Variants in CSMD3 observed in about 807,000 individuals in gnomAD.
CSMD3 encodes the protein CUB and sushi domain-containing protein 3.
Under a neutral mutation model 435.2 loss-of-function variants are expected in CSMD3, and 177 were observed. The observed-to-expected ratio is 0.41, with a 90% CI of 0.36 to 0.46. The LOEUF is 0.46. CSMD3 is among the 20% of genes least tolerant of loss of function. The pLI is 0.34. For missense variants in CSMD3, 4,265 were observed against 4,504.6 expected (o/e 0.95, Z 1.52); for synonymous variants, 1,656 against 1,520.5 (o/e 1.09, Z -2.07).
intron 12 of CSMD3, among the ~76,000 whole-genome samples, chr8:112,816,076 A>G (rs1387642225): frequency 1.3e-5 from 2 of 152,146 alleles, no homozygotes; most frequent in Non-Finnish European, 2.9e-5. Context: ...ACAGAGCTCT[A>G]CAGCTCATGG....
chr8:113,230,205 G>A (rs2093069916), intron 3 of CSMD3, among the ~76,000 whole-genome samples: 1 of 151,640 alleles, frequency 6.6e-6, no homozygotes, highest in South Asian at 2.1e-4. Context: ...ATTGCCAGAT[G>A]TTTTAAAATT....
At chr8:112,745,489 G>GC in intron 13 of CSMD3, among the ~76,000 whole-genome samples, 1 of 151,840 alleles carries the variant, frequency 6.6e-6, no homozygotes, top group Non-Finnish European at 1.5e-5. Flanking sequence ...CTTATAATTG[G>GC]CTATGCTTTC....
intron 26 of CSMD3, among the ~76,000 whole-genome samples, chr8:112,551,572 G>A (rs1216556152): frequency 6.6e-6 from 1 of 151,862 alleles, no homozygotes; most frequent in Non-Finnish European, 1.5e-5. Context: ...ATCAAATAAT[G>A]TTTAATTTTT....
At chr8:112,447,426 G>A (rs1013330160) in intron 32 of CSMD3, among the ~76,000 whole-genome samples, 2 of 152,044 alleles carry the variant, frequency 1.3e-5, no homozygotes, top group Admixed American at 1.3e-4. Context: ...ATTTTAATAA[G>A]TCTCTTTAAT....
chr8:112,343,012 T>TAG, intron 41 of CSMD3, among the ~76,000 whole-genome samples: 1 of 95,378 alleles, frequency 1.0e-5, no homozygotes, highest in Middle Eastern at 9.1e-3. Context: ...TATATATATA[T>TAG]ATATTTATAT....
At chr8:113,392,963 G>C (rs2094467369) in intron 1 of CSMD3, among the ~76,000 whole-genome samples, 1 of 151,306 alleles carries the variant, frequency 6.6e-6, no homozygotes, top group Non-Finnish European at 1.5e-5. Context: ...ATATATGTGT[G>C]TGTGTGTGTG....
In CSMD3 at chr8:112,421,881, T is replaced by G. The variant is rs555232788; in HGVS notation, c.5396-12849A>C. Among the ~76,000 whole-genome samples the G allele has an allele frequency of 3.3e-5, 5 of 152,098 alleles. No individual in the cohort carries two copies. In the South Asian group the frequency reaches 1.0e-3, roughly 32 times the overall value. Reference sequence around the variant, plus strand: ...ACTATATGTAATGGACTGTGCAAAGTTCTTTATACATATCAGCTTCATTGA... The same window carrying G: ...ACTATATGTAATGGACTGTGCAAAGGTCTTTATACATATCAGCTTCATTGA... On this transcript the variant is annotated intron_variant, in intron 32 of 70. Transcript: ENST00000297405.
At chr8:112,675,736 G>A (rs538328675) in intron 16 of CSMD3, among the ~76,000 whole-genome samples, 107 of 152,132 alleles carry the variant, frequency 7.0e-4, no homozygotes, top group Non-Finnish European at 1.2e-3. Flanking sequence ...AAAATCACAG[G>A]GACCAAGTCT....
At chr8:112,339,211 T>A (rs1824859855) in intron 42 of CSMD3, among the ~76,000 whole-genome samples, 1 of 151,934 alleles carries the variant, frequency 6.6e-6, no homozygotes, top group Non-Finnish European at 1.5e-5. Flanking sequence ...GAAGTATAAC[T>A]TTGTAACTTC....
intron 24 of CSMD3, among the ~76,000 whole-genome samples, chr8:112,557,476 G>C (rs1051901932): frequency 3.9e-5 from 6 of 151,978 alleles, no homozygotes; most frequent in Admixed American, 1.3e-4. Flanking sequence ...AGAAGGTTGT[G>C]TTGGAACTTT....
chr8:112,318,932 T>G lies in CSMD3; in HGVS notation c.7265A>C (p.Gln2422Pro), dbSNP rs1316835893. ...AACTAAAGTAAATCCTGGAAGACAC[T>G]GATACCTAATAATATCACCTATTAA... is the stretch of plus-strand genomic sequence containing the variant. Reference protein sequence around the residue: ...EFEIGDIIRYQCLPGFTLVGN... With the variant: ...EFEIGDIIRYPCLPGFTLVGN... The change falls in exon 47 of 71, where the codon CAG becomes CCG. Residue 2422 changes from glutamine (Q) to proline (P), a missense_variant. Gln to Pro is a moderately conservative substitution (Grantham distance 76). This residue lies in a region of CSMD3 where 3,255 missense variants were observed against 3,380.2 expected (regional missense o/e 0.96). Transcript: ENST00000297405. 1 of 1,608,054 alleles carries G rather than the reference T, an allele frequency of 6.2e-7. No homozygotes were observed. Among genetic ancestry groups the G allele is most frequent in the Admixed American group, 1.7e-5 (1 of 59,858 alleles).
chr8:112,231,479 C>T (rs2129887845), intron 69 of CSMD3, 66 bp downstream of exon 69: 1 of 995,198 alleles, frequency 1.0e-6, no homozygotes, highest in Non-Finnish European at 1.6e-6. Flanking sequence ...ACAGAATCCA[C>T]AGTCTTTTTT....
chr8:112,254,200 A>C, intron 63 of CSMD3, 53 bp downstream of exon 63: 1 of 1,244,424 alleles, frequency 8.0e-7, no homozygotes, highest in Non-Finnish European at 1.2e-6. Context: ...ATATGAACCA[A>C]AGACGCATTC....
At chr8:112,397,310 C>T (rs901864162) in intron 35 of CSMD3, among the ~76,000 whole-genome samples, 1 of 152,176 alleles carries the variant, frequency 6.6e-6, no homozygotes, top group East Asian at 1.9e-4. Context: ...CCCCATATAT[C>T]CATCTGTCAT....
chr8:112,364,977 C>T (rs1235052586), intron 38 of CSMD3, among the ~76,000 whole-genome samples: 1 of 151,998 alleles, frequency 6.6e-6, no homozygotes, highest in Non-Finnish European at 1.5e-5. Context: ...TACATTTGTT[C>T]ACAAGACTAT....
At chr8:112,985,382 A>T (rs148269269) in intron 6 of CSMD3, among the ~76,000 whole-genome samples, 2 of 152,238 alleles carry the variant, frequency 1.3e-5, no homozygotes, top group East Asian at 3.9e-4. Flanking sequence ...AGGCACCGAG[A>T]CTTGAAGAGC....
intron 1 of CSMD3, among the ~76,000 whole-genome samples, chr8:113,344,009 T>C (rs2094136648): frequency 6.6e-6 from 1 of 152,158 alleles, no homozygotes; most frequent in South Asian, 2.1e-4. Context: ...AATTATCACA[T>C]CCTTCATATT....
chr8:112,355,558 G>A (rs571917286), intron 38 of CSMD3, among the ~76,000 whole-genome samples: 38 of 152,306 alleles, frequency 2.5e-4, no homozygotes, highest in African/African-American at 8.9e-4. Flanking sequence ...GCAAGGCCGT[G>A]CGTGGTGGCT....
chr8:112,704,449 A>G (rs150143068), intron 13 of CSMD3, among the ~76,000 whole-genome samples: 1 of 152,252 alleles, frequency 6.6e-6, no homozygotes, highest in African/African-American at 2.4e-5. Context: ...CAGCTCTTAG[A>G]TCGCAAATTT....
Sources: gnomAD v4.1 joint callset for allele counts (sites outside exome capture counted in the v4.1 genomes callset) on GRCh38, gnomAD v4.1.1 for gene constraint, gnomAD v4.1.1 regional missense constraint, MANE v1.5 for transcripts, NCBI Gene and HGNC (gene_info 2026-07-23, HGNC 2026-07-21) for gene names.